The following TDRD5 variants were observed in gnomAD, a reference collection of about 807,000 sequenced individuals.
The protein encoded by TDRD5 is tudor domain containing 5, also known as tudor domain-containing protein 5.
In TDRD5, 41 loss-of-function variants were observed where a neutral mutation model predicts 120.6. That is an observed-to-expected ratio of 0.34 (90% confidence interval 0.26 to 0.44). The LOEUF (loss-of-function observed/expected upper bound fraction) is 0.44. TDRD5 is among the 20% of genes least tolerant of loss of function. The probability of loss-of-function intolerance (pLI) is 1.00; values close to 1 mark genes in which losing one functional copy is unlikely to be tolerated. For synonymous variants in TDRD5, 430 were observed against 433.7 expected (o/e 0.99, Z 0.11); for missense variants, 1,006 against 1,221.2 (o/e 0.82, Z 2.63).
At chr1:179,617,064 A>C (rs577245881) in intron 4 of TDRD5, among the ~76,000 whole-genome samples, 67 of 152,200 alleles carry the variant, frequency 4.4e-4, no homozygotes, top group Non-Finnish European at 1.3e-4. Context: ...TACAGAAGAA[A>C]TGTAAAGAAT....
intron 16 of TDRD5, among the ~76,000 whole-genome samples, chr1:179,667,798 A>G (rs140588249): frequency 2.6e-5 from 4 of 152,292 alleles, no homozygotes; most frequent in Non-Finnish European, 5.9e-5. Flanking sequence ...AAGAAAGGTT[A>G]TACACACAGG....
In TDRD5 at chr1:179,630,745, A is replaced by G. The variant is rs191501288; in HGVS notation, c.973-22A>G. The G allele has an allele frequency of 2.0e-5, 32 of 1,609,834 alleles. No homozygotes were observed. The East Asian group carries it at 6.7e-4, about 34-fold the overall frequency. ...TCTGTTATCTAATGCTGTTTCATGTAATTTCTATTTTCTTGTGACAGGTAA... is the reference window on the plus strand; with the variant it reads ...TCTGTTATCTAATGCTGTTTCATGTGATTTCTATTTTCTTGTGACAGGTAA... On this transcript the variant is annotated intron_variant, in intron 6 of 17. Coordinates refer to ENST00000444136, the MANE Select transcript of TDRD5 (RefSeq NM_001199085.3).
intron 6 of TDRD5, among the ~76,000 whole-genome samples, chr1:179,623,954 A>G (rs1032033740): frequency 6.6e-6 from 1 of 152,066 alleles, no homozygotes; most frequent in African/African-American, 2.4e-5. Context: ...AACTCATTCT[A>G]TAAATACATT....
intron 11 of TDRD5, among the ~76,000 whole-genome samples, chr1:179,649,571 ACTT>A (rs143085635): frequency 0.048 from 7,348 of 151,936 alleles, 243 homozygotes; most frequent in Middle Eastern, 0.085. Context: ...ACCTTCTAAA[ACTT>A]CTTAGTTCTG....
At chr1:179,687,938 C>A (rs1680835141) in intron 17 of TDRD5, among the ~76,000 whole-genome samples, 1 of 130,398 alleles carries the variant, frequency 7.7e-6, no homozygotes, top group Non-Finnish European at 1.7e-5. Flanking sequence ...CTATGTGTGT[C>A]TCTGCACATG....
At chr1:179,663,905 G>A (rs12035247) in intron 16 of TDRD5, among the ~76,000 whole-genome samples, 54,286 of 151,956 alleles carry the variant, frequency 0.36, 9,761 homozygotes, top group Admixed American at 0.43. Context: ...AGTCTAGACT[G>A]GTTTCTTCAT....
At chr1:179,682,466 C>T (rs1424873301) in intron 17 of TDRD5, among the ~76,000 whole-genome samples, 1 of 152,136 alleles carries the variant, frequency 6.6e-6, no homozygotes, top group African/African-American at 2.4e-5. Flanking sequence ...TTGTTTACCT[C>T]CCACTTCTCA....
chr1:179,690,505 A>G lies in TDRD5; in HGVS notation c.2861-191A>G, dbSNP rs148388066. On this transcript the variant is annotated intron_variant, in intron 17 of 17. Transcript: ENST00000444136. ...GACAAGATTTATTTTATCTCAATTC[A>G]TGATTCCCCATTTCCTTTCCATTTG... is the stretch of plus-strand genomic sequence containing the variant. Among the ~76,000 whole-genome samples the G allele has an allele frequency of 7.7e-4, 117 of 152,298 alleles. 2 individuals carry two copies. The East Asian group carries it at 0.021, about 27-fold the overall frequency.
intron 17 of TDRD5, among the ~76,000 whole-genome samples, chr1:179,673,258 A>G (rs1385886993): frequency 1.3e-5 from 2 of 152,162 alleles, no homozygotes; most frequent in Non-Finnish European, 2.9e-5. Context: ...TGTTTGTGTC[A>G]TCTATGATTT....
At chr1:179,684,713 T>C (rs1391398868) in intron 17 of TDRD5, among the ~76,000 whole-genome samples, 5 of 152,184 alleles carry the variant, frequency 3.3e-5, no homozygotes. Context: ...GCAGCTGCTG[T>C]TTCCTGACTT....
intron 4 of TDRD5, among the ~76,000 whole-genome samples, chr1:179,606,785 C>T (rs1572337843): frequency 6.6e-6 from 1 of 152,048 alleles, no homozygotes. Flanking sequence ...TCTAGGTTCT[C>T]TAGTCTGTTC....
At chr1:179,614,594 G>C (rs929680768) in intron 4 of TDRD5, among the ~76,000 whole-genome samples, 1 of 151,946 alleles carries the variant, frequency 6.6e-6, no homozygotes, top group Non-Finnish European at 1.5e-5. Context: ...TGTTTCAGTT[G>C]ACACTCACAT....
chr1:179,666,773 G>A (rs4652432), intron 16 of TDRD5, among the ~76,000 whole-genome samples: 51,354 of 152,094 alleles, frequency 0.34, 8,899 homozygotes, highest in Admixed American at 0.42. Flanking sequence ...CAATTTAAGA[G>A]TACTCCAGTT....
At chr1:179,645,994 A>AT (rs1440542856) in intron 11 of TDRD5, among the ~76,000 whole-genome samples, 1 of 152,014 alleles carries the variant, frequency 6.6e-6, no homozygotes, top group Non-Finnish European at 1.5e-5. Context: ...ATATAGTTGT[A>AT]TTTTTTTAAT....
Position 179,593,725 on chromosome 1 carries a change from A to G in TDRD5, c.498A>G (p.Gln166=). ...AFAKRFGRSF[Q]YMQYGFLSMF... ...CCAAAAGATTTGGACGATCATTCCAATACATGCAATATGGATTTCTCTCTA... is the reference window on the plus strand; with the variant it reads ...CCAAAAGATTTGGACGATCATTCCAGTACATGCAATATGGATTTCTCTCTA... The change falls in exon 3 of 18, where the codon CAA becomes CAG. Residue 166 remains glutamine (Q), a synonymous_variant. Transcript: ENST00000444136. 3 of 1,614,240 alleles carry G rather than the reference A, an allele frequency of 1.9e-6. No homozygotes were observed. The highest frequency in any genetic ancestry group is 2.2e-5 in the South Asian group (2 of 91,084).
chr1:179,605,488 G>C (rs1675924142), intron 4 of TDRD5, among the ~76,000 whole-genome samples: 1 of 152,126 alleles, frequency 6.6e-6, no homozygotes, highest in Non-Finnish European at 1.5e-5. Flanking sequence ...GAGGAGGTGG[G>C]GGGTAGGAGG....
intron 4 of TDRD5, among the ~76,000 whole-genome samples, chr1:179,615,169 C>T (rs912297675): frequency 6.6e-6 from 1 of 151,984 alleles, no homozygotes; most frequent in Admixed American, 6.6e-5. Context: ...TATATATGAT[C>T]GATTCAGGTC....
At chr1:179,624,500 G>T (rs1252952620) in intron 6 of TDRD5, among the ~76,000 whole-genome samples, 1 of 152,086 alleles carries the variant, frequency 6.6e-6, no homozygotes, top group Non-Finnish European at 1.5e-5. Flanking sequence ...TAGAAAACAT[G>T]ATTGTTCATA....
In TDRD5 at chr1:179,669,211, T is replaced by C; in HGVS notation, c.2667T>C (p.Gly889=). ...NRTQKQLDIN[G]SSDSSTLPKL... Reference sequence around the variant, plus strand: ...TTCTGCAGCAACTAGACATAAATGGTTCTTCAGATTCTTCCACACTGCCCA... The same window carrying C: ...TTCTGCAGCAACTAGACATAAATGGCTCTTCAGATTCTTCCACACTGCCCA... Residue 889 remains glycine, a synonymous_variant, in exon 17 of 18, where the codon GGT becomes GGC. Transcript: ENST00000444136. The C allele has an allele frequency of 6.2e-7, 1 of 1,613,632 alleles. No individual in the cohort carries two copies. Among genetic ancestry groups the C allele is most frequent in the East Asian group, 2.2e-5 (1 of 44,884 alleles).
Sources: allele counts gnomAD v4.1 joint callset (sites outside exome capture counted in the v4.1 genomes callset), GRCh38; gene constraint gnomAD v4.1.1; transcripts MANE v1.5; gene names NCBI Gene and HGNC (gene_info 2026-07-23, HGNC 2026-07-21).